Variants in IL1RAPL1 observed in about 807,000 individuals in gnomAD.
IL1RAPL1 encodes the protein interleukin-1 receptor accessory protein-like 1.
In IL1RAPL1, 3 loss-of-function variants were observed where a neutral mutation model predicts 48.4. That is an observed-to-expected ratio of 0.06 (90% CI 0.03 to 0.16). The LOEUF (loss-of-function observed/expected upper bound fraction) is 0.16. Among genes scored for constraint, IL1RAPL1 ranks in the 10% least tolerant of loss-of-function variants. IL1RAPL1 has a pLI of 1.00. For missense variants in IL1RAPL1, 349 were observed against 530.6 expected, an observed-to-expected ratio of 0.66 and a Z score of 3.36; for synonymous variants, 185 against 187.7, an observed-to-expected ratio of 0.99 and a Z score of 0.12.
At chrX:29,720,535 T>G (rs145610409) in intron 6 of IL1RAPL1, among the ~76,000 whole-genome samples, 2,771 of 110,632 alleles carry the variant, frequency 0.025, 79 homozygotes, top group African/African-American at 0.087. Context: ...TTCTCACTCA[T>G]AAGTGGGAGT....
intron 2 of IL1RAPL1, among the ~76,000 whole-genome samples, chrX:29,229,234 A>C (rs1931148400): frequency 1.8e-5 from 2 of 111,657 alleles, no homozygotes; most frequent in African/African-American, 3.2e-5. Flanking sequence ...TTGGTGAAAC[A>C]AAAAATTAGA....
chrX:29,165,422 A>G (rs1213487101), intron 2 of IL1RAPL1, among the ~76,000 whole-genome samples: 1 of 112,467 alleles, frequency 8.9e-6, no homozygotes, highest in Non-Finnish European at 1.9e-5. Context: ...TGTTTACTCT[A>G]TCAGGTTAGT....
At chrX:29,434,324 A>G (rs1002426873) in intron 5 of IL1RAPL1, among the ~76,000 whole-genome samples, 7 of 110,282 alleles carry the variant, frequency 6.3e-5, no homozygotes, top group East Asian at 2.8e-4. Context: ...TGAGAAAAAT[A>G]TAATGAGTCC....
At chrX:29,157,703 T>TC (rs1929596380) in intron 2 of IL1RAPL1, among the ~76,000 whole-genome samples, 2 of 25,979 alleles carry the variant, frequency 7.7e-5, no homozygotes, top group Non-Finnish European at 1.1e-4. Context: ...GGCAAATTAG[T>TC]TTACTCAGCC....
At chrX:29,367,202 AT>A (rs770409522) in intron 3 of IL1RAPL1, among the ~76,000 whole-genome samples, 4 of 111,853 alleles carry the variant, frequency 3.6e-5, no homozygotes, top group African/African-American at 9.7e-5. Context: ...TAAACTTATC[AT>A]TTTTCATTCA....
Position 28,800,851 on chromosome X carries a change from A to T in IL1RAPL1, c.82+11426A>T, listed in dbSNP as rs900505136. Among the ~76,000 whole-genome samples, 55 of 43,338 alleles carry T rather than the reference A, an allele frequency of 1.3e-3. 1 individual carries two copies. The highest frequency in any genetic ancestry group is 0.011 in the South Asian group (11 of 964). The allele number at this position is 43,338 out of a possible 115,157, so 37.6% of individuals were successfully genotyped here. On this transcript the variant is annotated intron_variant, in intron 2 of 10. Coordinates refer to ENST00000378993, the MANE Select transcript of IL1RAPL1 (RefSeq NM_014271.4). ...GGCCTTTGCATATTAAAGGGATTTT[A>T]TTTATTTATTTATTTATTTATTTAT...
intron 5 of IL1RAPL1, among the ~76,000 whole-genome samples, chrX:29,444,490 C>G (rs1478253398): frequency 2.7e-5 from 3 of 110,582 alleles, no homozygotes; most frequent in Non-Finnish European, 3.8e-5. Flanking sequence ...GGGAGAATCA[C>G]TTGAGCCCTG....
At chrX:29,667,065 A>C (rs993087891) in intron 5 of IL1RAPL1, among the ~76,000 whole-genome samples, 1 of 112,269 alleles carries the variant, frequency 8.9e-6, no homozygotes, top group African/African-American at 3.2e-5. Context: ...GTGATATCAT[A>C]TCTTTGAGAA....
chrX:29,510,640 C>G (rs1935383961), intron 5 of IL1RAPL1, among the ~76,000 whole-genome samples: 1 of 111,974 alleles, frequency 8.9e-6, no homozygotes, highest in Non-Finnish European at 1.9e-5. Context: ...TGTGTCTCTA[C>G]TCAGCATGTG....
At chrX:28,594,987 A>C (rs1933939834) in intron 1 of IL1RAPL1, among the ~76,000 whole-genome samples, 1 of 111,463 alleles carries the variant, frequency 9.0e-6, no homozygotes. Context: ...TTTCCTGAAC[A>C]TCCCTGGCCA....
intron 5 of IL1RAPL1, among the ~76,000 whole-genome samples, chrX:29,665,749 A>G (rs1708005914): frequency 8.9e-6 from 1 of 112,284 alleles, no homozygotes; most frequent in South Asian, 3.7e-4. Flanking sequence ...GGCAAATCAC[A>G]TGAGAAATGT....
intron 2 of IL1RAPL1, among the ~76,000 whole-genome samples, chrX:28,903,423 T>G (rs1280253294): frequency 3.0e-5 from 2 of 66,621 alleles, no homozygotes; most frequent in Non-Finnish European, 5.2e-5. Flanking sequence ...TTTCTTTCTT[T>G]CTTTTTTTTT....
intron 5 of IL1RAPL1, among the ~76,000 whole-genome samples, chrX:29,521,030 ATAAAC>A (rs1220232492): frequency 8.9e-6 from 1 of 111,770 alleles, no homozygotes; most frequent in Non-Finnish European, 1.9e-5. Context: ...TACATCAAAA[ATAAAC>A]TAATAGGAAA....
chrX:29,771,849 G>A (rs1929072585), intron 6 of IL1RAPL1, among the ~76,000 whole-genome samples: 1 of 111,689 alleles, frequency 9.0e-6, no homozygotes, highest in Admixed American at 9.5e-5. Flanking sequence ...TTGACTCACA[G>A]TTCCACGTGC....
chrX:28,831,034 G>GTGTGTC (rs1921040597), intron 2 of IL1RAPL1, among the ~76,000 whole-genome samples: 1 of 40,013 alleles, frequency 2.5e-5, no homozygotes, highest in Admixed American at 2.4e-4. Context: ...CTCTGTGTGT[G>GTGTGTC]TGTGTGTGTG....
intron 6 of IL1RAPL1, among the ~76,000 whole-genome samples, chrX:29,832,485 A>G (rs895532179): frequency 9.0e-6 from 1 of 111,213 alleles, no homozygotes; most frequent in Non-Finnish European, 1.9e-5. Context: ...AGCTTTATGA[A>G]TATATCTTTC....
At chrX:29,356,985 A>G (rs1933313605) in intron 3 of IL1RAPL1, among the ~76,000 whole-genome samples, 1 of 111,824 alleles carries the variant, frequency 8.9e-6, no homozygotes, top group Admixed American at 9.5e-5. Flanking sequence ...AGAGTATTCT[A>G]GTCACTATTA....
intron 2 of IL1RAPL1, among the ~76,000 whole-genome samples, chrX:29,102,372 G>A (rs5985954): frequency 0.23 from 25,796 of 111,490 alleles, 2,773 homozygotes; most frequent in African/African-American, 0.42. Flanking sequence ...TTTGGAAAGA[G>A]AGAAGTTAAA....
chrX:28,955,407 T>C (rs1397515247), intron 2 of IL1RAPL1, among the ~76,000 whole-genome samples: 2 of 111,396 alleles, frequency 1.8e-5, no homozygotes, highest in African/African-American at 6.5e-5. Flanking sequence ...CCTAATAAAC[T>C]AGATCTTCAA....
Sources: gnomAD v4.1 joint callset for allele counts (sites outside exome capture counted in the v4.1 genomes callset) on GRCh38, gnomAD v4.1.1 for gene constraint, MANE v1.5 for transcripts, NCBI Gene and HGNC (gene_info 2026-07-23, HGNC 2026-07-21) for gene names.